TRDN: variants seen among roughly 807,000 people sequenced by gnomAD.
TRDN encodes triadin, also known as triadin in skeletal muscle.
Under a neutral mutation model 149.7 loss-of-function variants are expected in TRDN, and 161 were observed. That is an observed-to-expected ratio of 1.08 (90% CI 0.95 to 1.23). The LOEUF (loss-of-function observed/expected upper bound fraction) is 1.23, where lower values mean the gene tolerates loss of function less well. Ranked by LOEUF, TRDN falls within the 50% of genes most tolerant of loss-of-function variation. The probability of loss-of-function intolerance (pLI) is 0.00; values close to 1 mark genes in which losing one functional copy is unlikely to be tolerated. For synonymous variants in TRDN, 294 were observed against 250.5 expected, an observed-to-expected ratio of 1.17 and a Z score of -1.64; for missense variants, 896 against 823.5, an observed-to-expected ratio of 1.09 and a Z score of -1.08.
At chr6:123,485,052 C>A (rs1777916682) in intron 9 of TRDN, among the ~76,000 whole-genome samples, 1 of 152,154 alleles carries the variant, frequency 6.6e-6, no homozygotes, top group African/African-American at 2.4e-5. Flanking sequence ...ACAAATATGA[C>A]AATCTGATAC....
chr6:123,583,053 C>A (rs1783214858), intron 1 of TRDN, among the ~76,000 whole-genome samples: 1 of 152,104 alleles, frequency 6.6e-6, no homozygotes, highest in African/African-American at 2.4e-5. Context: ...TATAAAAGGT[C>A]TAAGAATTGG....
At chr6:123,295,097 C>CT (rs1256208545) in intron 24 of TRDN, among the ~76,000 whole-genome samples, 2 of 152,128 alleles carry the variant, frequency 1.3e-5, no homozygotes, top group East Asian at 3.8e-4. Flanking sequence ...CTAGCTAAAA[C>CT]AGGGCCAGGG....
In TRDN at chr6:123,423,836, C is replaced by G. The variant is rs1673967273; in HGVS notation, c.1051+14227G>C. On this transcript the variant is annotated intron_variant, in intron 12 of 40. Transcript: ENST00000334268. The stretch of plus-strand genomic sequence containing the variant: ...AATACGGCCAATAGCATTTCTTGCA[C>G]TCACTCAAATTACCATCTATAAAAA... Among the ~76,000 whole-genome samples, 3 of 152,242 alleles carry G rather than the reference C, an allele frequency of 2.0e-5. No homozygotes were observed. The South Asian group carries it at 6.2e-4, about 32-fold the overall frequency.
At chr6:123,557,790 C>G (rs567829629) in intron 2 of TRDN, among the ~76,000 whole-genome samples, 2 of 151,782 alleles carry the variant, frequency 1.3e-5, no homozygotes, top group Admixed American at 1.3e-4. Flanking sequence ...CTCCACTTTC[C>G]TGGGGGGCAA....
At chr6:123,497,051 G>A (rs919716624) in intron 9 of TRDN, 142 bp downstream of exon 9, 18 of 484,808 alleles carry the variant, frequency 3.7e-5, no homozygotes, top group African/African-American at 7.6e-5. Flanking sequence ...AGTTATTACC[G>A]CTTTTTATTG....
chr6:123,322,180 T>C (rs1779265525), intron 23 of TRDN, among the ~76,000 whole-genome samples: 2 of 152,198 alleles, frequency 1.3e-5, no homozygotes, highest in African/African-American at 4.8e-5. Flanking sequence ...AACTGAGGAA[T>C]CCTTCCATGC....
chr6:123,516,338 AT>A, intron 5 of TRDN, 132 bp from the exon 6 acceptor site: 1 of 1,121,274 alleles, frequency 8.9e-7, no homozygotes, highest in Non-Finnish European at 1.2e-6. Context: ...TTCAGATTTT[AT>A]GTAGTTAGAG....
In TRDN at chr6:123,266,379, AAT is replaced by A. The variant is rs1277966574; in HGVS notation, c.1784-1043_1784-1042del. ...ATATATTATGATATGTATTATATAT[AAT>A]ATATATATTATGATATGTATTATAT... On this transcript the variant is annotated intron_variant, in intron 32 of 40. Coordinates refer to ENST00000334268, the MANE Select transcript of TRDN (RefSeq NM_006073.4). Among the ~76,000 whole-genome samples the A allele has an allele frequency of 4.9e-3, 503 of 103,428 alleles. 67 individuals are homozygous for A. Among genetic ancestry groups the A allele is most frequent in the African/African-American group, 0.019 (361 of 19,052 alleles). 67.9% of individuals were successfully genotyped at this position (103,428 alleles called of 152,430 possible).
intron 11 of TRDN, among the ~76,000 whole-genome samples, chr6:123,438,436 A>G (rs935451844): frequency 6.6e-6 from 1 of 152,184 alleles, no homozygotes; most frequent in Non-Finnish European, 1.5e-5. Flanking sequence ...TGAAAAGAAT[A>G]TATTGAATGT....
intron 12 of TRDN, among the ~76,000 whole-genome samples, chr6:123,396,046 T>G (rs992006759): frequency 6.6e-6 from 1 of 152,186 alleles, no homozygotes; most frequent in Non-Finnish European, 1.5e-5. Context: ...AGATCAGATT[T>G]GACATCTGCT....
At chr6:123,585,915 A>C (rs1255567458) in intron 1 of TRDN, among the ~76,000 whole-genome samples, 1 of 152,158 alleles carries the variant, frequency 6.6e-6, no homozygotes, top group African/African-American at 2.4e-5. Context: ...GAGGTTGATT[A>C]AATCCTGTTG....
chr6:123,252,422 T>TG lies in TRDN; in HGVS notation c.1964dup (p.Arg656LysfsTer7), dbSNP rs751900486. ...ACAAACCGTACTTACTTGATACTCT[T>TG]GCAGGTTTTTCTGCTAAAAAGAGAA... On this transcript the variant is annotated frameshift_variant, in exon 38 of 41. Transcript: ENST00000334268. LOFTEE classifies it high-confidence loss of function. 2.6e-6 allele frequency: 4 copies of TG among 1,522,112 alleles called. No homozygotes were observed. The highest frequency in any genetic ancestry group is 1.8e-6 in the Non-Finnish European group (2 of 1,115,896). The allele number at this position is 1,522,112 out of a possible 1,614,324, so 94.3% of individuals were successfully genotyped here. A position where few individuals can be genotyped will look rare whatever the true frequency, so the allele number is the denominator to read the frequency against.
At chr6:123,317,410 C>T (rs1779067066) in intron 23 of TRDN, among the ~76,000 whole-genome samples, 1 of 151,906 alleles carries the variant, frequency 6.6e-6, no homozygotes, top group Non-Finnish European at 1.5e-5. Context: ...GGGTTTTAGT[C>T]TAGCAGTGTC....
At chr6:123,239,663 T>A (rs1775915415) in intron 38 of TRDN, among the ~76,000 whole-genome samples, 1 of 152,060 alleles carries the variant, frequency 6.6e-6, no homozygotes, top group East Asian at 1.9e-4. Context: ...CTAGTTAAAA[T>A]TAATTATAGT....
intron 1 of TRDN, among the ~76,000 whole-genome samples, chr6:123,621,178 C>T (rs1032775218): frequency 3.3e-5 from 5 of 152,114 alleles, no homozygotes; most frequent in Non-Finnish European, 5.9e-5. Context: ...GGTTGCTATA[C>T]GGTGAGGATT....
chr6:123,426,027 G>A (rs1180736563), intron 12 of TRDN, among the ~76,000 whole-genome samples: 2 of 152,044 alleles, frequency 1.3e-5, no homozygotes, highest in South Asian at 4.1e-4. Context: ...CAGGAGTGAT[G>A]CTCCTTAGTT....
At chr6:123,287,303 G>A (rs191095520) in intron 24 of TRDN, among the ~76,000 whole-genome samples, 3 of 152,228 alleles carry the variant, frequency 2.0e-5, no homozygotes, top group East Asian at 1.9e-4. Flanking sequence ...CTAAGCCTAC[G>A]TACTCCCTAA....
intron 38 of TRDN, among the ~76,000 whole-genome samples, chr6:123,250,516 T>A (rs1240039870): frequency 6.6e-6 from 1 of 152,060 alleles, no homozygotes; most frequent in East Asian, 1.9e-4. Flanking sequence ...AGACAGTTTT[T>A]TGATGATTGC....
At chr6:123,303,274 C>T (rs1212965735) in intron 24 of TRDN, among the ~76,000 whole-genome samples, 1 of 151,720 alleles carries the variant, frequency 6.6e-6, no homozygotes, top group East Asian at 1.9e-4. Context: ...ATGTCAAAAA[C>T]AGATTTTAAA....
Sources: allele counts gnomAD v4.1 joint callset (sites outside exome capture counted in the v4.1 genomes callset), GRCh38; gene constraint gnomAD v4.1.1; transcripts MANE v1.5; gene names NCBI Gene and HGNC (gene_info 2026-07-23, HGNC 2026-07-21).